TAFA1: variants seen among roughly 807,000 people sequenced by gnomAD.
The protein encoded by TAFA1 is TAFA chemokine like family member 1.
In TAFA1, 4 loss-of-function variants were observed where a neutral mutation model predicts 18.5. The ratio of observed to expected loss-of-function variants is 0.22; its 90% CI spans 0.11 to 0.49. The LOEUF (loss-of-function observed/expected upper bound fraction) is 0.49. Among genes scored for constraint, TAFA1 ranks in the 20% least tolerant of loss-of-function variants. The probability of loss-of-function intolerance (pLI) is 0.98; values close to 1 mark genes in which losing one functional copy is unlikely to be tolerated. For synonymous variants in TAFA1, 56 were observed against 55.2 expected, an observed-to-expected ratio of 1.01 and a Z score of -0.06; for missense variants, 147 against 169.0, an observed-to-expected ratio of 0.87 and a Z score of 0.72.
intron 2 of TAFA1, among the ~76,000 whole-genome samples, chr3:68,353,446 G>C (rs1166387290): frequency 6.6e-6 from 1 of 152,082 alleles, no homozygotes; most frequent in Non-Finnish European, 1.5e-5. Flanking sequence ...ATTGTGGTGT[G>C]AGCACTCTAG....
chr3:68,112,785 AG>A (rs1319370119), intron 2 of TAFA1, among the ~76,000 whole-genome samples: 2 of 151,974 alleles, frequency 1.3e-5, no homozygotes, highest in Admixed American at 6.6e-5. Context: ...AAAAATAAAC[AG>A]AAAAAAATGA....
At chr3:68,509,074 T>C (rs1511890) in intron 3 of TAFA1, among the ~76,000 whole-genome samples, 30,754 of 151,970 alleles carry the variant, frequency 0.2, 3,219 homozygotes, top group Middle Eastern at 0.23. Context: ...TGATGCACCA[T>C]TGTCAATCTC....
intron 2 of TAFA1, among the ~76,000 whole-genome samples, chr3:68,316,670 T>G (rs2068611087): frequency 6.6e-6 from 1 of 152,210 alleles, no homozygotes; most frequent in Admixed American, 6.5e-5. Flanking sequence ...AAATATTTAT[T>G]GACCACTTTG....
At chr3:68,101,240 T>A (rs2065144084) in intron 2 of TAFA1, among the ~76,000 whole-genome samples, 1 of 151,992 alleles carries the variant, frequency 6.6e-6, no homozygotes, top group South Asian at 2.1e-4. Flanking sequence ...AGGTGTGATT[T>A]CAAAGGCTTG....
intron 2 of TAFA1, among the ~76,000 whole-genome samples, chr3:68,079,279 A>AT (rs879246083): frequency 1.3e-5 from 2 of 152,022 alleles, no homozygotes; most frequent in African/African-American, 2.4e-5. Context: ...GGATTCATTG[A>AT]TTTTTTGAAG....
intron 2 of TAFA1, among the ~76,000 whole-genome samples, chr3:68,037,109 T>A (rs181670653): frequency 1.3e-5 from 2 of 152,032 alleles, no homozygotes; most frequent in Non-Finnish European, 2.9e-5. Context: ...GTAGAAATAA[T>A]GGTAGCTGTG....
chr3:68,228,660 G>C (rs926977518), intron 2 of TAFA1, among the ~76,000 whole-genome samples: 1 of 152,122 alleles, frequency 6.6e-6, no homozygotes, highest in African/African-American at 2.4e-5. Context: ...TGTAGTCTTG[G>C]TGCCTAGCAC....
chr3:68,157,047 T>C (rs1190338559), intron 2 of TAFA1, among the ~76,000 whole-genome samples: 1 of 152,248 alleles, frequency 6.6e-6, no homozygotes, highest in Non-Finnish European at 1.5e-5. Context: ...AATGCCAGAT[T>C]ATCCTAGCCC....
chr3:68,029,711 A>C (rs1704890661), intron 2 of TAFA1, among the ~76,000 whole-genome samples: 1 of 152,234 alleles, frequency 6.6e-6, no homozygotes, highest in Non-Finnish European at 1.5e-5. Context: ...ACTCTTACGT[A>C]ATAATGCCTA....
intron 2 of TAFA1, among the ~76,000 whole-genome samples, chr3:68,222,872 C>T (rs1159024602): frequency 6.6e-6 from 1 of 152,016 alleles, no homozygotes; most frequent in Non-Finnish European, 1.5e-5. Flanking sequence ...GGGGTTTTAC[C>T]ATCTTGGCCA....
the TAFA1 span, among the ~76,000 whole-genome samples, chr3:67,992,342 A>G: frequency 6.6e-6 from 1 of 152,206 alleles, no homozygotes; most frequent in African/African-American, 2.4e-5. Flanking sequence ...ATGAGTGACA[A>G]TATACTTAGA....
chr3:68,190,669 C>T (rs573444629), intron 2 of TAFA1, among the ~76,000 whole-genome samples: 2 of 151,812 alleles, frequency 1.3e-5, no homozygotes, highest in Non-Finnish European at 2.9e-5. Flanking sequence ...AGATCCATAG[C>T]CTTAGTTTCT....
chr3:68,055,764 G>C (rs2064528515), intron 2 of TAFA1, among the ~76,000 whole-genome samples: 1 of 152,158 alleles, frequency 6.6e-6, no homozygotes, highest in African/African-American at 2.4e-5. Context: ...CCCTTTCCCT[G>C]GACATATCTC....
At chr3:68,469,359 G>T (rs1264063116) in intron 3 of TAFA1, among the ~76,000 whole-genome samples, 1 of 152,050 alleles carries the variant, frequency 6.6e-6, no homozygotes, top group Non-Finnish European at 1.5e-5. Context: ...TCCAAGACTG[G>T]CTCTCTTATT....
the TAFA1 span, among the ~76,000 whole-genome samples, chr3:67,995,879 A>C: frequency 1.3e-5 from 2 of 152,212 alleles, no homozygotes; most frequent in South Asian, 4.1e-4. Flanking sequence ...CTTGCTTAGA[A>C]TCTTGCTGCA....
chr3:68,305,443 A>ATATATATATATATATATG (rs2068397481), intron 2 of TAFA1, among the ~76,000 whole-genome samples: 1 of 118,094 alleles, frequency 8.5e-6, no homozygotes, highest in African/African-American at 3.2e-5. Flanking sequence ...ATATATATAT[A>ATATATATATATATATATG]TATATATATA....
intron 3 of TAFA1, among the ~76,000 whole-genome samples, chr3:68,498,323 G>A (rs1511896): frequency 3.3e-5 from 5 of 151,914 alleles, no homozygotes; most frequent in African/African-American, 1.2e-4. Flanking sequence ...TATGTATTGA[G>A]CCAGGCACTG....
At chr3:68,269,959 C>G (rs751428865) in intron 2 of TAFA1, among the ~76,000 whole-genome samples, 2 of 152,082 alleles carry the variant, frequency 1.3e-5, no homozygotes, top group Non-Finnish European at 2.9e-5. Flanking sequence ...GTGGTCGAAC[C>G]TGTTACTCAG....
At chr3:67,995,151 A>G in the TAFA1 span, among the ~76,000 whole-genome samples, 1 of 152,228 alleles carries the variant, frequency 6.6e-6, no homozygotes, top group Non-Finnish European at 1.5e-5. Flanking sequence ...CTAACCTTAA[A>G]TCTGTTAAAC....
Sources: allele counts gnomAD v4.1 joint callset (sites outside exome capture counted in the v4.1 genomes callset), GRCh38; gene constraint gnomAD v4.1.1; transcripts MANE v1.5; gene names NCBI Gene and HGNC (gene_info 2026-07-23, HGNC 2026-07-21).